The following ELOVL5 variants were observed in gnomAD, a reference collection of about 807,000 sequenced individuals.
ELOVL5 encodes the protein ELOVL fatty acid elongase 5.
Under a neutral mutation model 38.6 loss-of-function variants are expected in ELOVL5, and 8 were observed. The observed-to-expected ratio is 0.21, with a 90% confidence interval of 0.12 to 0.37. The LOEUF (loss-of-function observed/expected upper bound fraction) is 0.37. Ranked by LOEUF, ELOVL5 falls within the 10% of genes least tolerant of loss-of-function variation. ELOVL5 has a pLI of 1.00. For missense variants in ELOVL5, 280 were observed against 367.8 expected, an observed-to-expected ratio of 0.76 and a Z score of 1.95; for synonymous variants, 127 against 133.7, an observed-to-expected ratio of 0.95 and a Z score of 0.34.
chr6:53,302,448 G>A (rs1767296496), intron 1 of ELOVL5, among the ~76,000 whole-genome samples: 1 of 152,166 alleles, frequency 6.6e-6, no homozygotes, highest in Non-Finnish European at 1.5e-5. Context: ...ACGGAAGGAG[G>A]TGGTTGGGGT....
intron 3 of ELOVL5, 96 bp downstream of exon 3, chr6:53,291,680 C>T: frequency 1.0e-6 from 1 of 991,780 alleles, no homozygotes; most frequent in Non-Finnish European, 1.5e-6. Flanking sequence ...GTCTCTACAC[C>T]CCAAGCGGCC....
At chr6:53,284,439 G>T (rs765898007) in intron 3 of ELOVL5, among the ~76,000 whole-genome samples, 1 of 152,040 alleles carries the variant, frequency 6.6e-6, no homozygotes, top group Non-Finnish European at 1.5e-5. Context: ...TGAAACTGTC[G>T]TAAGTTAAAA....
intron 1 of ELOVL5, among the ~76,000 whole-genome samples, chr6:53,311,837 G>C (rs1056895448): frequency 6.6e-6 from 1 of 152,094 alleles, no homozygotes; most frequent in Non-Finnish European, 1.5e-5. Flanking sequence ...GACCGATACT[G>C]TTTATGATGT....
intron 1 of ELOVL5, among the ~76,000 whole-genome samples, chr6:53,324,007 CT>C (rs766140239): frequency 3.9e-5 from 6 of 152,024 alleles, no homozygotes; most frequent in Non-Finnish European, 5.9e-5. Flanking sequence ...AATCCTAGCA[CT>C]TTGGGAGACT....
intron 1 of ELOVL5, among the ~76,000 whole-genome samples, chr6:53,325,845 T>C (rs888080917): frequency 5.3e-5 from 8 of 152,266 alleles, no homozygotes; most frequent in East Asian, 1.9e-4. Context: ...GCCATGTTAA[T>C]TGGCTGGCAT....
chr6:53,340,370 G>A (rs1190512434), intron 1 of ELOVL5, among the ~76,000 whole-genome samples: 5 of 152,022 alleles, frequency 3.3e-5, no homozygotes, highest in Non-Finnish European at 4.4e-5. Context: ...TTACAGACAT[G>A]AGCCACCACA....
chr6:53,273,956 C>T (rs1766016502), intron 5 of ELOVL5, among the ~76,000 whole-genome samples: 2 of 152,228 alleles, frequency 1.3e-5, no homozygotes, highest in African/African-American at 4.8e-5. Flanking sequence ...TCCTCCCCAA[C>T]AGTCAGCAAC....
At chr6:53,276,770 C>T (rs1172632973) in intron 3 of ELOVL5, among the ~76,000 whole-genome samples, 1 of 152,104 alleles carries the variant, frequency 6.6e-6, no homozygotes, top group African/African-American at 2.4e-5. Flanking sequence ...GATACTGATG[C>T]TGCTGATGTG....
chr6:53,276,817 G>A (rs1275773984), intron 3 of ELOVL5, among the ~76,000 whole-genome samples: 1 of 151,836 alleles, frequency 6.6e-6, no homozygotes, highest in East Asian at 1.9e-4. Context: ...GTAGGCTCAG[G>A]GATAATTTAG....
chr6:53,305,404 C>G (rs565256641), intron 1 of ELOVL5, among the ~76,000 whole-genome samples: 1 of 147,706 alleles, frequency 6.8e-6, no homozygotes, highest in African/African-American at 2.6e-5. Context: ...CCCTCCCGGG[C>G]GGGGTGGCTG....
intron 2 of ELOVL5, among the ~76,000 whole-genome samples, chr6:53,292,373 T>C (rs1226728192): frequency 6.6e-6 from 1 of 152,256 alleles, no homozygotes; most frequent in Non-Finnish European, 1.5e-5. Context: ...AGTCGGCAAG[T>C]GTGGCCAGCA....
At chr6:53,281,827 T>C (rs1254869885) in intron 3 of ELOVL5, among the ~76,000 whole-genome samples, 1 of 151,636 alleles carries the variant, frequency 6.6e-6, no homozygotes, top group Non-Finnish European at 1.5e-5. Flanking sequence ...CAGGTGTTTT[T>C]TTTTTTTCCT....
At chr6:53,285,080 C>G (rs902922426) in intron 3 of ELOVL5, among the ~76,000 whole-genome samples, 6 of 152,176 alleles carry the variant, frequency 3.9e-5, no homozygotes, top group African/African-American at 1.4e-4. Context: ...GCATGTCTCT[C>G]ACTTTACATC....
intron 1 of ELOVL5, among the ~76,000 whole-genome samples, chr6:53,348,601 A>ACGTG (rs1464943078): frequency 2.0e-5 from 3 of 152,104 alleles, no homozygotes; most frequent in Non-Finnish European, 4.4e-5. Context: ...CCGCACCCGC[A>ACGTG]CCCCTTTCCC....
intron 1 of ELOVL5, among the ~76,000 whole-genome samples, chr6:53,305,319 G>C (rs1200908191): frequency 7.4e-5 from 10 of 135,048 alleles, no homozygotes; most frequent in African/African-American, 2.9e-4. Flanking sequence ...GCGGCTGGCC[G>C]GGCAGGGGGC....
intron 3 of ELOVL5, chr6:53,290,373 T>C (rs928551248): frequency 2.6e-5 from 4 of 152,192 alleles, no homozygotes; most frequent in Non-Finnish European, 5.9e-5. Flanking sequence ...CTATCAATTA[T>C]GGAAAAGTAA....
At chr6:53,286,370 C>A (rs1172983568) in intron 3 of ELOVL5, among the ~76,000 whole-genome samples, 1 of 151,964 alleles carries the variant, frequency 6.6e-6, no homozygotes, top group Non-Finnish European at 1.5e-5. Flanking sequence ...TGAGATCAGT[C>A]CAGGCAACAC....
At chr6:53,327,356 AATGGTCACTCTTCAC>A (rs1768592059) in intron 1 of ELOVL5, among the ~76,000 whole-genome samples, 1 of 152,176 alleles carries the variant, frequency 6.6e-6, no homozygotes, top group African/African-American at 2.4e-5. Context: ...CTCCTCCTTC[AATGGTCACTCTTCAC>A]ATGCTACAGC....
At chr6:53,269,982 G>C (rs1456832502) in intron 7 of ELOVL5, among the ~76,000 whole-genome samples, 2 of 152,198 alleles carry the variant, frequency 1.3e-5, no homozygotes, top group African/African-American at 4.8e-5. Flanking sequence ...ATGGCTACCA[G>C]GCACTGGCAA....
Sources: gnomAD v4.1 joint callset for allele counts (sites outside exome capture counted in the v4.1 genomes callset) on GRCh38, gnomAD v4.1.1 for gene constraint, MANE v1.5 for transcripts, NCBI Gene and HGNC (gene_info 2026-07-23, HGNC 2026-07-21) for gene names.